The following ZNF423 variants were observed in gnomAD, a reference collection of about 807,000 sequenced individuals.
ZNF423 encodes the protein Ebf-associated zinc finger protein.
ZNF423 carries 12 observed loss-of-function variants against 95.8 expected under a neutral mutation model. That is an observed-to-expected ratio of 0.13 (90% CI 0.08 to 0.20). The LOEUF is 0.20. Among genes scored for constraint, ZNF423 ranks in the 10% least tolerant of loss-of-function variants. ZNF423 has a pLI of 1.00. For synonymous variants in ZNF423, 749 were observed against 711.9 expected, an observed-to-expected ratio of 1.05 and a Z score of -0.83; for missense variants, 1,316 against 1,737.1, an observed-to-expected ratio of 0.76 and a Z score of 4.31.
Position 49,782,277 on chromosome 16 carries a change from G to A in ZNF423, c.100+7210C>T, listed in dbSNP as rs530740007. Among the ~76,000 whole-genome samples, 14 of 152,334 alleles carry A rather than the reference G, an allele frequency of 9.2e-5. No homozygotes were observed. In the South Asian group the frequency reaches 2.9e-3, roughly 32 times the overall value. ...TGAGGCACTAAATTCATGCATGAGC[G>A]GCCTGGGTTCAAACCCTCACTCTGC... On this transcript the variant is annotated intron_variant, in intron 2 of 7. Transcript: ENST00000563137.
At position 49,490,754 on chromosome 16, in the gene ZNF423, A is replaced by G. The variant is rs1269844226; in HGVS notation, c.*521T>C. 2 of 157,726 alleles carry G rather than the reference A, an allele frequency of 1.3e-5. No individual in the cohort carries two copies. Among genetic ancestry groups the G allele is most frequent in the African/African-American group, 4.8e-5 (2 of 41,430 alleles). 9.8% of individuals were successfully genotyped at this position (157,726 alleles called of 1,614,324 possible). Reference sequence around the variant, plus strand: ...GTCCGGTGAACTGGCAAATCCAATCAAAGCATTAGTCTTTAATTAAAAAAT... The same window carrying G: ...GTCCGGTGAACTGGCAAATCCAATCGAAGCATTAGTCTTTAATTAAAAAAT... On this transcript the variant is annotated 3_prime_UTR_variant, in exon 8 of 8. Coordinates refer to ENST00000563137, the MANE Select transcript of ZNF423 (RefSeq NM_001379286.1).
intron 1 of ZNF423, among the ~76,000 whole-genome samples, chr16:49,825,115 G>A (rs1052592628): frequency 3.3e-5 from 5 of 152,092 alleles, no homozygotes; most frequent in Admixed American, 6.6e-5. Context: ...TTTTCATTAG[G>A]TAAATAAATT....
intron 1 of ZNF423, among the ~76,000 whole-genome samples, chr16:49,845,491 C>T (rs1041053089): frequency 2.0e-5 from 3 of 151,590 alleles, no homozygotes; most frequent in Non-Finnish European, 1.5e-5. Context: ...TCTTATGCAC[C>T]GGGACAACAG....
chr16:49,790,690 G>T (rs992887922), intron 1 of ZNF423, among the ~76,000 whole-genome samples: 4 of 152,212 alleles, frequency 2.6e-5, no homozygotes, highest in African/African-American at 4.8e-5. Flanking sequence ...GAGTTCTAGC[G>T]CAAGGCACAG....
intron 7 of ZNF423, among the ~76,000 whole-genome samples, chr16:49,511,765 C>T (rs1490650191): frequency 1.3e-5 from 2 of 152,180 alleles, no homozygotes; most frequent in African/African-American, 4.8e-5. Context: ...ATGTCAATGA[C>T]AACAGTGATG....
chr16:49,675,684 C>T (rs890719558), intron 3 of ZNF423, among the ~76,000 whole-genome samples: 8 of 152,184 alleles, frequency 5.3e-5, no homozygotes, highest in Non-Finnish European at 8.8e-5. Flanking sequence ...AAAATCAGTT[C>T]TACCAAACAG....
At chr16:49,521,469 C>G (rs73578471) in intron 7 of ZNF423, among the ~76,000 whole-genome samples, 1 of 152,080 alleles carries the variant, frequency 6.6e-6, no homozygotes, top group Non-Finnish European at 1.5e-5. Flanking sequence ...ATCCAGCACA[C>G]GAGCAGGGAG....
intron 1 of ZNF423, among the ~76,000 whole-genome samples, chr16:49,809,834 G>A (rs2034723706): frequency 6.6e-6 from 1 of 152,158 alleles, no homozygotes; most frequent in South Asian, 2.1e-4. Context: ...GGGCTGGAGG[G>A]TCCACCCGGG....
intron 2 of ZNF423, among the ~76,000 whole-genome samples, chr16:49,732,202 G>A (rs566373437): frequency 6.6e-6 from 1 of 152,276 alleles, no homozygotes; most frequent in African/African-American, 2.4e-5. Context: ...TCAACTTCGT[G>A]ACTCCTGGTC....
intron 5 of ZNF423, among the ~76,000 whole-genome samples, chr16:49,528,485 G>A (rs1597055264): frequency 6.6e-6 from 1 of 152,248 alleles, no homozygotes; most frequent in South Asian, 2.1e-4. Flanking sequence ...GTGTGTCTCG[G>A]GACCCTTTCC....
At chr16:49,529,297 A>G (rs984499691) in intron 5 of ZNF423, among the ~76,000 whole-genome samples, 1 of 152,088 alleles carries the variant, frequency 6.6e-6, no homozygotes, top group Non-Finnish European at 1.5e-5. Context: ...AAGGAAATCT[A>G]TTGATTTATT....
chr16:49,545,260 T>C (rs1567457292), intron 5 of ZNF423, among the ~76,000 whole-genome samples: 1 of 152,186 alleles, frequency 6.6e-6, no homozygotes, highest in Non-Finnish European at 1.5e-5. Context: ...AGTATCAAGT[T>C]GAAAAGATAG....
At chr16:49,824,495 C>G (rs2034984799) in intron 1 of ZNF423, among the ~76,000 whole-genome samples, 1 of 152,096 alleles carries the variant, frequency 6.6e-6, no homozygotes, top group African/African-American at 2.4e-5. Flanking sequence ...GCTAAGTGGT[C>G]TCAGGCCAGG....
upstream of ZNF423, among the ~76,000 whole-genome samples, chr16:49,858,294 G>A (rs1156861928): frequency 6.7e-6 from 1 of 150,174 alleles, no homozygotes; most frequent in Non-Finnish European, 1.5e-5. The surrounding 1 kb of genome is among the most constrained non-coding windows in gnomAD (Gnocchi z 4.3). Context: ...CCAGCCTGCC[G>A]GCCAGCCGGG....
chr16:49,774,771 A>G (rs1435564684), intron 2 of ZNF423, among the ~76,000 whole-genome samples: 1 of 152,140 alleles, frequency 6.6e-6, no homozygotes, highest in Non-Finnish European at 1.5e-5. Context: ...GGTGCCTCCC[A>G]TGGTGTTCAG....
intron 7 of ZNF423, among the ~76,000 whole-genome samples, chr16:49,508,442 C>G (rs144406611): frequency 6.7e-6 from 1 of 148,760 alleles, no homozygotes; most frequent in South Asian, 2.1e-4. Flanking sequence ...ACTGCTTGAA[C>G]CCAGGAGTTC....
intron 1 of ZNF423, among the ~76,000 whole-genome samples, chr16:49,804,682 G>C (rs1441178694): frequency 6.6e-6 from 1 of 152,164 alleles, no homozygotes; most frequent in Non-Finnish European, 1.5e-5. Context: ...CTCACCTGCA[G>C]CAGGGTGTAA....
intron 5 of ZNF423, among the ~76,000 whole-genome samples, chr16:49,570,164 T>A (rs1395583615): frequency 6.6e-6 from 1 of 152,210 alleles, no homozygotes; most frequent in Non-Finnish European, 1.5e-5. Flanking sequence ...AAAAAGGACT[T>A]CTAATCTGGC....
At chr16:49,605,292 C>T (rs1971502955) in intron 5 of ZNF423, among the ~76,000 whole-genome samples, 3 of 152,226 alleles carry the variant, frequency 2.0e-5, no homozygotes, top group South Asian at 2.1e-4. Flanking sequence ...TCTCTTCTCT[C>T]GTTCATTAAA....
Sources: gnomAD v4.1 joint callset for allele counts (sites outside exome capture counted in the v4.1 genomes callset) on GRCh38, gnomAD v4.1.1 for gene constraint, Gnocchi (gnomAD v3.1) non-coding constraint, MANE v1.5 for transcripts, NCBI Gene and HGNC (gene_info 2026-07-23, HGNC 2026-07-21) for gene names.